NLRP2: variants seen among roughly 807,000 people sequenced by gnomAD.
NLRP2 encodes NLR family pyrin domain containing 2.
Under a neutral mutation model 97.2 loss-of-function variants are expected in NLRP2, and 107 were observed. The ratio of observed to expected loss-of-function variants is 1.10; its 90% CI spans 0.94 to 1.29. The LOEUF (loss-of-function observed/expected upper bound fraction) is 1.29, where lower values mean the gene tolerates loss of function less well. Ranked by LOEUF, NLRP2 falls within the 50% of genes most tolerant of loss-of-function variation. NLRP2 has a pLI of 0.00. For synonymous variants in NLRP2, 663 were observed against 551.5 expected, an observed-to-expected ratio of 1.20 and a Z score of -2.83; for missense variants, 1,495 against 1,330.3, an observed-to-expected ratio of 1.12 and a Z score of -1.93.
At chr19:54,983,837 C>A in intron 6 of NLRP2, 109 bp downstream of exon 6, 1 of 1,444,498 alleles carries the variant, frequency 6.9e-7, no homozygotes, top group Non-Finnish European at 9.6e-7. Context: ...CAGGAATTCC[C>A]TCTTGTTGGA....
chr19:54,991,935 T>TG (rs1323074782), intron 10 of NLRP2, among the ~76,000 whole-genome samples: 1 of 151,306 alleles, frequency 6.6e-6, no homozygotes. Context: ...TTTTTTTTTT[T>TG]TTTTTTTAAG....
At chr19:54,997,511 C>A in intron 12 of NLRP2, 24 bp downstream of exon 12, 1 of 1,613,492 alleles carries the variant, frequency 6.2e-7, no homozygotes, top group Non-Finnish European at 8.5e-7. Context: ...ACTTCCCCAT[C>A]AGGCTTTCTC....
At chr19:54,971,318 G>C (rs887991944) in intron 2 of NLRP2, among the ~76,000 whole-genome samples, 35 of 151,056 alleles carry the variant, frequency 2.3e-4, no homozygotes, top group African/African-American at 8.5e-4. Context: ...ATGATTTATA[G>C]TCATTTGGGT....
chr19:54,994,539 T>TGA (rs2072699009), intron 11 of NLRP2, 100 bp downstream of exon 11: 1 of 1,223,120 alleles, frequency 8.2e-7, no homozygotes, highest in African/African-American at 1.5e-5. Context: ...GTTATATAAT[T>TGA]GAGAGGACCT....
Position 54,981,520 on chromosome 19 carries a change from C to T in NLRP2, c.398-97C>T, listed in dbSNP as rs1395191167. The T allele has an allele frequency of 7.4e-6, 3 of 407,108 alleles. 1 individual carries two copies. Among genetic ancestry groups the T allele is most frequent in the East Asian group, 1.5e-4 (2 of 13,558 alleles). The allele number at this position is 407,108 out of a possible 1,614,324, so 25.2% of individuals were successfully genotyped here. A position where few individuals can be genotyped will look rare whatever the true frequency, so the allele number is the denominator to read the frequency against. ...TTATCTGATCCCGTGCCCCCCCTCC[C>T]CCCCGCCCCATCAGCCTGCCTCCTT... On this transcript the variant is annotated intron_variant, in intron 4 of 12. Transcript: ENST00000448584.
rs34168825 is a variant in NLRP2 at position 54,995,187 on chromosome 19, CTT to C, written c.2879+769_2879+770del. On this transcript the variant is annotated intron_variant, in intron 11 of 12. Transcript: ENST00000448584. ...TAGCCGAGCATAGTAGTGGGTGCCT[CTT>C]TTTTTTTTTTTTTTTTTTTTGAGAT... 7.6e-4 allele frequency among the ~76,000 whole-genome samples: 66 copies of C among 87,224 alleles called. 1 individual carries two copies. The highest frequency in any genetic ancestry group is 3.4e-3 in the South Asian group (7 of 2,058). The allele number at this position is 87,224 out of a possible 152,430, so 57.2% of individuals were successfully genotyped here.
intron 3 of NLRP2, among the ~76,000 whole-genome samples, chr19:54,976,011 AG>A (rs2071208113): frequency 6.6e-6 from 1 of 151,954 alleles, no homozygotes; most frequent in Non-Finnish European, 1.5e-5. Context: ...GGCCTCCCAA[AG>A]TGCTGGGATT....
intron 10 of NLRP2, chr19:54,993,749 A>T (rs1032629769): frequency 8.2e-6 from 2 of 244,334 alleles, no homozygotes; most frequent in Admixed American, 5.2e-5. Flanking sequence ...CCCCCCTGTA[A>T]TCCCAGCTAC....
intron 1 of NLRP2, among the ~76,000 whole-genome samples, chr19:54,968,660 G>C (rs1361372419): frequency 1.4e-5 from 2 of 147,694 alleles, no homozygotes. Context: ...CCACACACCT[G>C]TGTCCTGAGA....
In NLRP2 at chr19:54,976,071, C is replaced by T. The variant is rs75456905; in HGVS notation, c.325+1527C>T. ...GCCATGAAGACTTTTTTTTTTTGGA[C>T]AAAGTCTCACTCTGTTGCCCAGGAT... On this transcript the variant is annotated intron_variant, in intron 3 of 12. Coordinates refer to ENST00000448584, the MANE Select transcript of NLRP2 (RefSeq NM_017852.5). Among the ~76,000 whole-genome samples, 994 of 149,542 alleles carry T rather than the reference C, an allele frequency of 6.6e-3. 33 individuals carry two copies. The East Asian group carries it at 0.087, about 13-fold the overall frequency.
intron 4 of NLRP2, among the ~76,000 whole-genome samples, chr19:54,979,208 C>T (rs2071423549): frequency 1.3e-5 from 2 of 152,068 alleles, no homozygotes. Flanking sequence ...TGGTCTAGAA[C>T]TCCTGACCTC....
rs1555765009 is a variant in NLRP2 at position 54,973,352 on chromosome 19, T to TGG, written c.281-1148_281-1147insGG. Among the ~76,000 whole-genome samples the TGG allele has an allele frequency of 3.1e-5, 4 of 127,438 alleles. No homozygotes were observed. In the South Asian group the frequency reaches 8.7e-4, roughly 28 times the overall value. The allele number at this position is 127,438 out of a possible 152,430, so 83.6% of individuals were successfully genotyped here. ...TTTAACAATGGGTGAGGGTTTTTTT[T>TGG]TTTTTTTTTTTGGTTTGGTTTGGAT... On this transcript the variant is annotated intron_variant, in intron 2 of 12. Transcript: ENST00000448584.
chr19:54,995,832 A>G (rs2146542054), intron 11 of NLRP2, among the ~76,000 whole-genome samples: 1 of 152,038 alleles, frequency 6.6e-6, no homozygotes, highest in South Asian at 2.1e-4. Context: ...GCTTGAGGCC[A>G]AGAATTTAAA....
At chr19:54,993,942 C>G (rs143865943) in intron 10 of NLRP2, 2 of 438,388 alleles carry the variant, frequency 4.6e-6, no homozygotes, top group African/African-American at 4.0e-5. Context: ...TCCCTTATCA[C>G]GTCACCTCCT....
chr19:54,978,540 C>T (rs1054681984), intron 4 of NLRP2, among the ~76,000 whole-genome samples: 2 of 152,046 alleles, frequency 1.3e-5, no homozygotes, highest in Non-Finnish European at 2.9e-5. Flanking sequence ...CCACCGTACC[C>T]GGCCTTCTTT....
intron 4 of NLRP2, among the ~76,000 whole-genome samples, chr19:54,978,066 TTTTG>T (rs556049142): frequency 1.5e-3 from 223 of 152,104 alleles, no homozygotes; most frequent in African/African-American, 5.1e-3. Context: ...GAGTTTTTGT[TTTTG>T]TTTTTGTTTT....
intron 3 of NLRP2, among the ~76,000 whole-genome samples, chr19:54,977,408 C>T (rs1390556687): frequency 1.3e-5 from 2 of 150,582 alleles, no homozygotes; most frequent in Middle Eastern, 3.2e-3. Context: ...GCAACAAGAG[C>T]AAAACTACAT....
At chr19:54,997,624 TGTATTTCACTTGGAGAAACG>T (rs965077708) in intron 12 of NLRP2, 137 bp downstream of exon 12, 2 of 913,188 alleles carry the variant, frequency 2.2e-6, no homozygotes, top group Admixed American at 3.8e-5. Flanking sequence ...AGCCAATTTC[TGTATTTCACTTGGAGAAACG>T]GGGTTTCACC....
chr19:54,981,510 C>CCT, intron 4 of NLRP2, 107 bp from the exon 5 acceptor site: 2 of 248,188 alleles, frequency 8.1e-6, no homozygotes, highest in South Asian at 3.5e-5. Flanking sequence ...TGATCCCGTG[C>CCT]CCCCCCTCCC....
Sources: gnomAD v4.1 joint callset for allele counts (sites outside exome capture counted in the v4.1 genomes callset) on GRCh38, gnomAD v4.1.1 for gene constraint, MANE v1.5 for transcripts, NCBI Gene and HGNC (gene_info 2026-07-23, HGNC 2026-07-21) for gene names.